The following RAD23A variants were observed in gnomAD, a reference collection of about 807,000 sequenced individuals.
RAD23A encodes the protein RAD23 nucleotide excision repair protein A.
In RAD23A, 16 loss-of-function variants were observed where a neutral mutation model predicts 44.8. That is an observed-to-expected ratio of 0.36 (90% CI 0.24 to 0.54). RAD23A has a LOEUF of 0.54. Ranked by LOEUF, RAD23A falls within the 20% of genes least tolerant of loss-of-function variation. The pLI, the probability that RAD23A is intolerant of heterozygous loss-of-function variation, is 0.89. For missense variants in RAD23A, 380 were observed against 483.3 expected, an observed-to-expected ratio of 0.79 and a Z score of 2.00; for synonymous variants, 217 against 202.9, an observed-to-expected ratio of 1.07 and a Z score of -0.59.
chr19:12,948,270 G>A lies in RAD23A; in HGVS notation c.328G>A (p.Gly110Ser), dbSNP rs771580434. The change falls in exon 3 of 9, where the codon GGC (glycine) becomes AGC (serine). Residue 110 changes from glycine to serine, a missense_variant. Gly to Ser is a moderately conservative substitution (Grantham distance 56). Around this residue, in one of 3 missense-constraint regions of RAD23A, gnomAD observed 279 missense variants for 313.7 expected, o/e 0.89. Coordinates refer to ENST00000586534, the MANE Select transcript of RAD23A (RefSeq NM_005053.4). This position sits in a 1 kb window ranked among gnomAD's most constrained non-coding sequence, Gnocchi z 5.5. The stretch of plus-strand genomic sequence containing the variant: ...ATCCTTCCCGCCTGCCCCCACCTCA[G>A]GCATGTCCCATCCCCCACCTGCCGC... ...STSFPPAPTSGMSHPPPAARE... is the reference protein window; with the variant it reads ...STSFPPAPTSSMSHPPPAARE... The A allele has an allele frequency of 2.5e-6, 4 of 1,613,586 alleles. No homozygotes were observed. Among genetic ancestry groups the A allele is most frequent in the Admixed American group, 1.7e-5 (1 of 59,910 alleles).
At position 12,948,812 on chromosome 19, in the gene RAD23A, C is replaced by T. The variant is rs4987202; in HGVS notation, c.599C>T (p.Thr200Met). 17,244 of 1,599,372 alleles carry T rather than the reference C, an allele frequency of 0.011. 120 individuals carry two copies. Among genetic ancestry groups the T allele is most frequent in the Non-Finnish European group, 0.013 (15,385 of 1,175,052 alleles). Residue 200 changes from threonine (T) to methionine (M), a missense_variant and splice_region_variant, in exon 5 of 9, where the codon ACG becomes ATG. Coordinates refer to ENST00000586534, the MANE Select transcript of RAD23A (RefSeq NM_005053.4). This position sits in a 1 kb window ranked among gnomAD's most constrained non-coding sequence, Gnocchi z 5.5. ...CACCGAGCCGTGGAGTATCTGCTCA[C>T]GGTGAGGTGGGGCTTCCGCCTCCCG... is the stretch of plus-strand genomic sequence containing the variant. ...NPHRAVEYLLTGIPGSPEPEH... is the reference protein window; with the variant it reads ...NPHRAVEYLLMGIPGSPEPEH...
At chr19:12,950,523 G>A (rs1001042824) in intron 7 of RAD23A, among the ~76,000 whole-genome samples, 4 of 151,772 alleles carry the variant, frequency 2.6e-5, no homozygotes, top group Non-Finnish European at 4.4e-5. Flanking sequence ...TTTTGCCCCC[G>A]CCCGAGTAGC....
chr19:12,948,875 G>T lies in RAD23A; in HGVS notation c.600+62G>T. Reference sequence around the variant, plus strand: ...GGGAGTACCCGGGCGTCACTGCCCTGATGGGCGGTTGGGAAGGCAAAACCT... The same window carrying T: ...GGGAGTACCCGGGCGTCACTGCCCTTATGGGCGGTTGGGAAGGCAAAACCT... On this transcript the variant is annotated intron_variant, in intron 5 of 8. Coordinates refer to ENST00000586534, the MANE Select transcript of RAD23A (RefSeq NM_005053.4). This position sits in a 1 kb window ranked among gnomAD's most constrained non-coding sequence, Gnocchi z 5.5. The T allele has an allele frequency of 6.4e-7, 1 of 1,559,092 alleles. No homozygotes were observed. The highest frequency in any genetic ancestry group is 8.7e-7 in the Non-Finnish European group (1 of 1,155,184).
intron 1 of RAD23A, 24 bp downstream of exon 1, chr19:12,946,044 G>T: frequency 1.3e-6 from 2 of 1,579,140 alleles, no homozygotes; most frequent in Non-Finnish European, 1.7e-6. Flanking sequence ...CGGAGCCCGG[G>T]GGCGGGAGCG....
chr19:12,953,106 A>G lies in RAD23A; in HGVS notation c.*57A>G, dbSNP rs900988733. On this transcript the variant is annotated 3_prime_UTR_variant, in exon 9 of 9. Transcript: ENST00000586534. Reference sequence around the variant, plus strand: ...CCTACCCTTATTCCATGAAAGTTTTATAAAAGAAAAAATATATATATATTC... The same window carrying G: ...CCTACCCTTATTCCATGAAAGTTTTGTAAAAGAAAAAATATATATATATTC... 3 of 1,207,602 alleles carry G rather than the reference A, an allele frequency of 2.5e-6. No individual in the cohort carries two copies. Among genetic ancestry groups the G allele is most frequent in the East Asian group, 2.5e-5 (1 of 39,928 alleles). 74.8% of individuals were successfully genotyped at this position (1,207,602 alleles called of 1,614,324 possible).
chr19:12,949,760 C>T (rs1334875438), intron 7 of RAD23A, among the ~76,000 whole-genome samples: 1 of 152,106 alleles, frequency 6.6e-6, no homozygotes, highest in East Asian at 1.9e-4. Flanking sequence ...GATGGTGCTG[C>T]GTAAATGTCT....
chr19:12,949,003 C>T lies in RAD23A; in HGVS notation c.601-78C>T, dbSNP rs2044663362. ...CCTCTGGAGGGCAGGGCCGAGGCCT[C>T]ATCTGTGTCCTGCCAGGGCATGGAG... On this transcript the variant is annotated intron_variant, in intron 5 of 8. Coordinates refer to ENST00000586534, the MANE Select transcript of RAD23A (RefSeq NM_005053.4). 4 of 1,555,962 alleles carry T rather than the reference C, an allele frequency of 2.6e-6. No homozygotes were observed. The South Asian group carries it at 4.6e-5, about 18-fold the overall frequency.
At chr19:12,949,613 C>G (rs1395004149) in intron 7 of RAD23A, 1 of 614,368 alleles carries the variant, frequency 1.6e-6, no homozygotes, top group East Asian at 2.8e-5. Context: ...TGGGTGCTGT[C>G]AACATCACCT....
At position 12,945,872 on chromosome 19, in the gene RAD23A, T is replaced by A; in HGVS notation, c.-77T>A. 2 of 1,506,648 alleles carry A rather than the reference T, an allele frequency of 1.3e-6. No homozygotes were observed. The highest frequency in any genetic ancestry group is 1.8e-6 in the Non-Finnish European group (2 of 1,099,746). The allele number at this position is 1,506,648 out of a possible 1,614,324, so 93.3% of individuals were successfully genotyped here. A position where few individuals can be genotyped will look rare whatever the true frequency, so the allele number is the denominator to read the frequency against. The stretch of plus-strand genomic sequence containing the variant: ...TGGTCGGCGCGCGGCGCGGCGCGCC[T>A]GGGCGCTAAGATGGCGGCGGCGTGA... On this transcript the variant is annotated 5_prime_UTR_variant, in exon 1 of 9. Transcript: ENST00000586534.
Position 12,948,949 on chromosome 19 carries a change from C to T in RAD23A, c.601-132C>T. 2 of 1,528,726 alleles carry T rather than the reference C, an allele frequency of 1.3e-6. No individual in the cohort carries two copies. Among genetic ancestry groups the T allele is most frequent in the Non-Finnish European group, 1.8e-6 (2 of 1,120,676 alleles). 94.7% of individuals were successfully genotyped at this position (1,528,726 alleles called of 1,614,324 possible). A position where few individuals can be genotyped will look rare whatever the true frequency, so the allele number is the denominator to read the frequency against. On this transcript the variant is annotated intron_variant, in intron 5 of 8. Transcript: ENST00000586534. The surrounding 1 kb of genome is among the most constrained non-coding windows in gnomAD (Gnocchi z 5.5). ...GATTCTAGCCACTAAAGGCTTCCCACAGGAGGCTGGATGTGAGTGATGGGT... is the reference window on the plus strand; with the variant it reads ...GATTCTAGCCACTAAAGGCTTCCCATAGGAGGCTGGATGTGAGTGATGGGT...
intron 1 of RAD23A, 54 bp downstream of exon 1, chr19:12,946,074 T>TGGGGGGGGGGGGGGGG: frequency 3.8e-5 from 5 of 131,734 alleles, no homozygotes; most frequent in East Asian, 1.3e-4. Flanking sequence ...GGGGGTGGGG[T>TGGGGGGGGGGGGGGGG]GGGGGCGGGG....
rs553717183 is a variant in RAD23A, at chr19:12,947,766, G to A, written c.73-82G>A. The A allele has an allele frequency of 1.1e-5, 16 of 1,406,220 alleles. No homozygotes were observed. The South Asian group carries it at 1.6e-4, about 14-fold the overall frequency. The allele number at this position is 1,406,220 out of a possible 1,614,324, so 87.1% of individuals were successfully genotyped here. On this transcript the variant is annotated intron_variant, in intron 1 of 8. Transcript: ENST00000586534. ...AGCGTGCTTGCCTTTCTGCCATCAG[G>A]GCTGGCAGTTTCTCTGTCCTAAACT... is the stretch of plus-strand genomic sequence containing the variant.
At chr19:12,950,904 A>G (rs2146040209) in intron 7 of RAD23A, among the ~76,000 whole-genome samples, 1 of 152,248 alleles carries the variant, frequency 6.6e-6, no homozygotes, top group South Asian at 2.1e-4. Flanking sequence ...TCTCTACTAT[A>G]AATACAAAAA....
chr19:12,947,006 A>G lies in RAD23A; in HGVS notation c.73-842A>G, dbSNP rs111956871. Among the ~76,000 whole-genome samples the G allele has an allele frequency of 4.8e-3, 733 of 152,356 alleles. 6 individuals are homozygous for G. The highest frequency in any genetic ancestry group is 8.3e-3 in the Non-Finnish European group (568 of 68,046). On this transcript the variant is annotated intron_variant, in intron 1 of 8. Transcript: ENST00000586534. Reference sequence around the variant, plus strand: ...CCCTTGAGCCTAGGAATTCGAGATCATCCTGGCAACACAGTGAGACCCCGT... The same window carrying G: ...CCCTTGAGCCTAGGAATTCGAGATCGTCCTGGCAACACAGTGAGACCCCGT...
intron 7 of RAD23A, among the ~76,000 whole-genome samples, chr19:12,951,086 C>G (rs2069681407): frequency 6.6e-6 from 1 of 152,122 alleles, no homozygotes; most frequent in South Asian, 2.1e-4. Context: ...CAAAAATGAA[C>G]AAATGAACTT....
At chr19:12,950,991 G>A (rs1216923098) in intron 7 of RAD23A, among the ~76,000 whole-genome samples, 1 of 152,216 alleles carries the variant, frequency 6.6e-6, no homozygotes, top group Admixed American at 6.5e-5. Context: ...TTGAACCCAG[G>A]AGGCAGAAAT....
chr19:12,950,754 TAG>T (rs1971790068), intron 7 of RAD23A, among the ~76,000 whole-genome samples: 1 of 152,070 alleles, frequency 6.6e-6, no homozygotes, highest in Non-Finnish European at 1.5e-5. Flanking sequence ...CATACAATGG[TAG>T]AGTTATATCA....
In RAD23A at chr19:12,952,790, AGAG is replaced by A; in HGVS notation, c.920_922del (p.Glu307del). ...TGGAGGGGGAGGTGGGCGCCATAGG[AGAG>A]GAGGCCCCGCAGATGAACTACATCC... is the stretch of plus-strand genomic sequence containing the variant. On this transcript the variant is annotated inframe_deletion, in exon 8 of 9. Transcript: ENST00000586534. 6.2e-7 allele frequency: 1 copy of A among 1,612,640 alleles called. No individual in the cohort carries two copies.
chr19:12,949,050 G>C, intron 5 of RAD23A, 31 bp from the exon 6 acceptor site: 1 of 1,599,750 alleles, frequency 6.3e-7, no homozygotes. Context: ...CAGGAGGTCT[G>C]TGCATTAGAA....
Sources: gnomAD v4.1 joint callset for allele counts (sites outside exome capture counted in the v4.1 genomes callset) on GRCh38, gnomAD v4.1.1 for gene constraint, gnomAD v4.1.1 regional missense constraint, Gnocchi (gnomAD v3.1) non-coding constraint, MANE v1.5 for transcripts, NCBI Gene and HGNC (gene_info 2026-07-23, HGNC 2026-07-21) for gene names.